Variants in DECR2 observed in about 807,000 individuals in gnomAD.
DECR2 encodes peroxisomal 2,4-dienoyl-CoA reductase [(3E)-enoyl-CoA-producing].
Under a neutral mutation model 29.2 loss-of-function variants are expected in DECR2, and 34 were observed. The observed-to-expected ratio is 1.16, with a 90% CI of 0.89 to 1.55. The LOEUF (loss-of-function observed/expected upper bound fraction) is 1.55. Ranked by LOEUF, DECR2 falls within the 40% of genes most tolerant of loss-of-function variation. The probability of loss-of-function intolerance (pLI) is 0.00; values close to 1 mark genes in which losing one functional copy is unlikely to be tolerated. For missense variants in DECR2, 485 were observed against 425.3 expected, an observed-to-expected ratio of 1.14 and a Z score of -1.23; for synonymous variants, 224 against 182.7, an observed-to-expected ratio of 1.23 and a Z score of -1.82.
At chr16:407,163 G>A (rs751636545) in intron 3 of DECR2, 30 of 1,301,082 alleles carry the variant, frequency 2.3e-5, no homozygotes, top group Admixed American at 3.3e-5. Context: ...AGCAGGGGCA[G>A]GACATGGGTG....
Position 411,082 on chromosome 16 carries a change from G to T in DECR2, c.661+6G>T, listed in dbSNP as rs745683116. The T allele has an allele frequency of 1.3e-6, 2 of 1,510,030 alleles. No individual in the cohort carries two copies. The highest frequency in any genetic ancestry group is 2.3e-5 in the Admixed American group (1 of 42,700). The allele number at this position is 1,510,030 out of a possible 1,614,324, so 93.5% of individuals were successfully genotyped here. ...AGAGGGGCTCCGGCGACTGGGTAAG[G>T]CTCTCAGGGAGCCCAGGCCTCCCAC... On this transcript the variant is annotated splice_donor_region_variant and intron_variant, in intron 7 of 8. Coordinates refer to ENST00000219481, the MANE Select transcript of DECR2 (RefSeq NM_020664.4).
intron 1 of DECR2, 81 bp downstream of exon 1, chr16:402,124 G>C (rs2054673689): frequency 1.7e-6 from 2 of 1,167,308 alleles, no homozygotes; most frequent in Non-Finnish European, 2.2e-6. Flanking sequence ...TGGTCCCCGA[G>C]GGCTCGCGTG....
intron 3 of DECR2, 107 bp downstream of exon 3, chr16:406,504 T>A: frequency 8.6e-7 from 1 of 1,160,394 alleles, no homozygotes. Context: ...GCACCAAAAC[T>A]TTTTTTTTCT....
At chr16:402,556 G>T (rs938964953) in intron 1 of DECR2, among the ~76,000 whole-genome samples, 1 of 151,936 alleles carries the variant, frequency 6.6e-6, no homozygotes, top group Non-Finnish European at 1.5e-5. Context: ...ACGCCTTGGT[G>T]TTCACAAGAG....
rs2054826782 is a variant in DECR2 at position 412,291 on chromosome 16, G to A, written c.*402G>A. The A allele has an allele frequency of 6.6e-6, 1 of 152,284 alleles. No individual in the cohort carries two copies. The highest frequency in any genetic ancestry group is 6.5e-5 in the Admixed American group (1 of 15,274). The allele number at this position is 152,284 out of a possible 1,614,324, so 9.4% of individuals were successfully genotyped here. On this transcript the variant is annotated 3_prime_UTR_variant, in exon 9 of 9. Coordinates refer to ENST00000219481, the MANE Select transcript of DECR2 (RefSeq NM_020664.4). ...GCTCCCATCTGTGCGTGGCCCATGA[G>A]CTGGGATGGTCCTCCAGCTGCCCAC...
chr16:407,954 C>T lies in DECR2; in HGVS notation c.337+394C>T, dbSNP rs867966311. Reference sequence around the variant, plus strand: ...CCCCCTGTCTCCGGGCCCCTGTCTCCAGGCCTCTGTCTCCGGCCCCCTGTC... The same window carrying T: ...CCCCCTGTCTCCGGGCCCCTGTCTCTAGGCCTCTGTCTCCGGCCCCCTGTC... On this transcript the variant is annotated intron_variant, in intron 4 of 8. Coordinates refer to ENST00000219481, the MANE Select transcript of DECR2 (RefSeq NM_020664.4). Among the ~76,000 whole-genome samples the T allele has an allele frequency of 1.8e-3, 113 of 61,420 alleles. 17 individuals are homozygous for T. The highest frequency in any genetic ancestry group is 2.7e-3 in the Non-Finnish European group (86 of 32,444). 40.3% of individuals were successfully genotyped at this position (61,420 alleles called of 152,430 possible). A position where few individuals can be genotyped will look rare whatever the true frequency, so the allele number is the denominator to read the frequency against.
intron 4 of DECR2, chr16:409,946 T>C (rs1429540402): frequency 4.7e-6 from 2 of 421,980 alleles, no homozygotes; most frequent in Non-Finnish European, 8.7e-6. Context: ...CCCTAATTCG[T>C]TGTGACTTCA....
Position 410,204 on chromosome 16 carries a change from C to A in DECR2, c.338-39C>A. 1 of 1,601,434 alleles carries A rather than the reference C, an allele frequency of 6.2e-7. No individual in the cohort carries two copies. The highest frequency in any genetic ancestry group is 1.3e-5 in the African/African-American group (1 of 74,708). On this transcript the variant is annotated intron_variant, in intron 4 of 8. Transcript: ENST00000219481. This position sits in a 1 kb window ranked among gnomAD's most constrained non-coding sequence, Gnocchi z 4.1. ...CCACCACCCACTTGGCATCCCTCTCCCCAGGCTCCAGCAGCTCCTGCGGTC... is the reference window on the plus strand; with the variant it reads ...CCACCACCCACTTGGCATCCCTCTCACCAGGCTCCAGCAGCTCCTGCGGTC...
intron 3 of DECR2, 134 bp downstream of exon 3, chr16:406,531 T>C (rs1330235910): frequency 7.2e-6 from 6 of 837,946 alleles, no homozygotes; most frequent in African/African-American, 5.1e-5. Context: ...GGAGTCTCGC[T>C]CTGTCACCCA....
At chr16:404,919 A>G in intron 1 of DECR2, 37 bp from the exon 2 acceptor site, 1 of 1,611,624 alleles carries the variant, frequency 6.2e-7, no homozygotes, top group Non-Finnish European at 8.5e-7. Flanking sequence ...CCGGCCCAAT[A>G]GGGCTCTTTT....
At chr16:406,295 C>CA in intron 2 of DECR2, 51 bp from the exon 3 acceptor site, 1 of 1,587,834 alleles carries the variant, frequency 6.3e-7, no homozygotes, top group Non-Finnish European at 8.6e-7. Flanking sequence ...GCAGATGCCC[C>CA]GGGAGTGCCC....
chr16:407,710 C>T, intron 4 of DECR2, 150 bp downstream of exon 4: 2 of 1,299,368 alleles, frequency 1.5e-6, no homozygotes, highest in Non-Finnish European at 2.1e-6. Flanking sequence ...GTACCTGAGG[C>T]CAAGACTCAG....
intron 2 of DECR2, chr16:405,725 G>A (rs969915055): frequency 6.0e-6 from 4 of 667,882 alleles, no homozygotes; most frequent in African/African-American, 3.7e-5. Flanking sequence ...TGAGACGGGC[G>A]TCTCCATGCT....
In DECR2 at chr16:410,470, T is replaced by G. The variant is rs2054799894; in HGVS notation, c.462+103T>G. ...GGTGCCTTGTGCGCTCTGTGAGAAG[T>G]TCTTCCGGGTGGGTGTACTCCCAGC... is the stretch of plus-strand genomic sequence containing the variant. On this transcript the variant is annotated intron_variant, in intron 5 of 8. Transcript: ENST00000219481. This position sits in a 1 kb window ranked among gnomAD's most constrained non-coding sequence, Gnocchi z 4.1. The G allele has an allele frequency of 2.1e-5, 32 of 1,550,094 alleles. No homozygotes were observed. The highest frequency in any genetic ancestry group is 1.4e-4 in the East Asian group (6 of 43,242).
chr16:402,632 CTT>C (rs553651376), intron 1 of DECR2, among the ~76,000 whole-genome samples: 1 of 144,528 alleles, frequency 6.9e-6, no homozygotes. Context: ...TGGGCGGATC[CTT>C]TTTTTTTTTT....
At chr16:404,269 G>A (rs551443009) in intron 1 of DECR2, among the ~76,000 whole-genome samples, 66 of 150,710 alleles carry the variant, frequency 4.4e-4, no homozygotes, top group Non-Finnish European at 7.2e-4. Context: ...ACCATGTTTC[G>A]CTCTTGTTGC....
intron 3 of DECR2, chr16:406,790 G>A (rs2054729786): frequency 1.6e-6 from 1 of 645,060 alleles, no homozygotes; most frequent in Non-Finnish European, 2.0e-6. Flanking sequence ...GTGAACCACT[G>A]TGCCCGGCCG....
In DECR2 at chr16:410,542, CATGA is replaced by C. The variant is rs2054802499; in HGVS notation, c.463-148_463-145del. On this transcript the variant is annotated intron_variant, in intron 5 of 8. Coordinates refer to ENST00000219481, the MANE Select transcript of DECR2 (RefSeq NM_020664.4). This position sits in a 1 kb window ranked among gnomAD's most constrained non-coding sequence, Gnocchi z 4.1. The stretch of plus-strand genomic sequence containing the variant: ...GCCCGCTCCCTGCCCTGGGCCTCCC[CATGA>C]CGGCCGCCCGCTCCCTGCCCTGGGC... 132 of 1,470,356 alleles carry C rather than the reference CATGA, an allele frequency of 9.0e-5. No homozygotes were observed. The highest frequency in any genetic ancestry group is 3.7e-4 in the East Asian group (16 of 43,062). The allele number at this position is 1,470,356 out of a possible 1,614,324, so 91.1% of individuals were successfully genotyped here.
At chr16:402,933 C>T (rs577533849) in intron 1 of DECR2, 55 of 678,510 alleles carry the variant, frequency 8.1e-5, no homozygotes, top group Non-Finnish European at 9.5e-5. Context: ...TGCAGTGAGC[C>T]GAGATCGCAC....
Sources: gnomAD v4.1 joint callset for allele counts (sites outside exome capture counted in the v4.1 genomes callset) on GRCh38, gnomAD v4.1.1 for gene constraint, Gnocchi (gnomAD v3.1) non-coding constraint, MANE v1.5 for transcripts, NCBI Gene and HGNC (gene_info 2026-07-23, HGNC 2026-07-21) for gene names.